The following PTPRD variants were observed in gnomAD, a reference collection of about 807,000 sequenced individuals.
The protein encoded by PTPRD is protein tyrosine phosphatase receptor type D.
In PTPRD, 34 loss-of-function variants were observed where a neutral mutation model predicts 214.5. The observed-to-expected ratio is 0.16, with a 90% CI of 0.12 to 0.21. The LOEUF is 0.21. PTPRD is among the 10% of genes least tolerant of loss of function. PTPRD has a pLI of 1.00. For missense variants in PTPRD, 2,545 were observed against 2,398.7 expected (o/e 1.06, Z -1.27); for synonymous variants, 1,128 against 845.7 (o/e 1.33, Z -5.79).
At chr9:9,994,986 A>C (rs574919868) in intron 4 of PTPRD, among the ~76,000 whole-genome samples, 1 of 152,108 alleles carries the variant, frequency 6.6e-6, no homozygotes, top group Non-Finnish European at 1.5e-5. Flanking sequence ...TTAAAAGCTT[A>C]AAAACAGGTA....
At chr9:8,753,342 A>G (rs2093698087) in intron 11 of PTPRD, among the ~76,000 whole-genome samples, 1 of 152,222 alleles carries the variant, frequency 6.6e-6, no homozygotes, top group African/African-American at 2.4e-5. Context: ...AAGTACACTG[A>G]CAGGTAGTAG....
At chr9:10,403,227 A>AATATATATATATATATATAC (rs2098302022) in intron 2 of PTPRD, among the ~76,000 whole-genome samples, 1 of 59,882 alleles carries the variant, frequency 1.7e-5, no homozygotes, top group Non-Finnish European at 3.5e-5. Flanking sequence ...TGTGTGTGTA[A>AATATATATATATATATATAC]ATATATATAT....
At chr9:9,934,921 T>C (rs11506308) in intron 5 of PTPRD, among the ~76,000 whole-genome samples, 5,886 of 152,244 alleles carry the variant, frequency 0.039, 138 homozygotes, top group Non-Finnish European at 0.056. Flanking sequence ...GCTGGTTCAA[T>C]ATATGCAAAT....
At chr9:9,291,111 A>G (rs1314030939) in intron 9 of PTPRD, among the ~76,000 whole-genome samples, 1 of 151,484 alleles carries the variant, frequency 6.6e-6, no homozygotes, top group Non-Finnish European at 1.5e-5. Flanking sequence ...GTAACATTAA[A>G]AGATGATATA....
chr9:9,841,081 T>C (rs1307210328), intron 5 of PTPRD, among the ~76,000 whole-genome samples: 2 of 152,144 alleles, frequency 1.3e-5, no homozygotes, highest in Non-Finnish European at 2.9e-5. Context: ...CAACAAAGTG[T>C]TTTTGTCTAT....
chr9:10,124,921 G>A (rs1488691247), intron 3 of PTPRD, among the ~76,000 whole-genome samples: 2 of 152,154 alleles, frequency 1.3e-5, no homozygotes, highest in Non-Finnish European at 2.9e-5. Context: ...TCAAAAGAGC[G>A]CACTAGTCTC....
Position 8,524,932 on chromosome 9 carries a change from A to G in PTPRD, c.672T>C (p.Tyr224=), listed in dbSNP as rs994655251. 2.5e-6 allele frequency: 4 copies of G among 1,613,332 alleles called. No homozygotes were observed. Among genetic ancestry groups the G allele is most frequent in the Admixed American group, 1.7e-5 (1 of 59,950 alleles). ...GTRYSAPANL[Y]VRELREVRRV... ...GGGTTATGTCATTCCTACCTCTGAC[A>G]TATAAATTGGCAGGAGCGGAATAGC... Residue 224 remains tyrosine, a synonymous_variant, in exon 18 of 46, where the codon TAT becomes TAC. Transcript: ENST00000381196.
intron 2 of PTPRD, among the ~76,000 whole-genome samples, chr9:10,526,053 G>C (rs969964531): frequency 2.0e-5 from 3 of 152,056 alleles, no homozygotes. Context: ...ATCTGACCTA[G>C]TGGGTGTTGT....
chr9:10,496,669 C>A (rs186355171), intron 2 of PTPRD, among the ~76,000 whole-genome samples: 49 of 152,034 alleles, frequency 3.2e-4, no homozygotes, highest in African/African-American at 1.2e-3. Context: ...AAGATAGTAA[C>A]TCATTGTGGT....
intron 7 of PTPRD, among the ~76,000 whole-genome samples, chr9:9,714,663 G>C (rs1021099385): frequency 6.6e-6 from 1 of 152,152 alleles, no homozygotes; most frequent in South Asian, 2.1e-4. Context: ...ACAATGAAAA[G>C]AGAAAATACA....
intron 3 of PTPRD, among the ~76,000 whole-genome samples, chr9:10,170,632 A>G (rs56024158): frequency 6.6e-6 from 1 of 152,168 alleles, no homozygotes; most frequent in African/African-American, 2.4e-5. Flanking sequence ...GCTTGCAGTG[A>G]GTCGAGATCG....
intron 9 of PTPRD, among the ~76,000 whole-genome samples, chr9:9,261,255 C>T (rs1432055636): frequency 6.6e-6 from 1 of 151,768 alleles, no homozygotes. Context: ...ATCCATCTTC[C>T]TGATGTTTAT....
intron 5 of PTPRD, among the ~76,000 whole-genome samples, chr9:9,821,973 T>A (rs1472837378): frequency 3.3e-5 from 5 of 150,444 alleles, no homozygotes; most frequent in Non-Finnish European, 7.4e-5. Flanking sequence ...TAGGATAAGA[T>A]AATTCAAATC....
At chr9:9,071,960 A>T (rs1383357349) in intron 10 of PTPRD, among the ~76,000 whole-genome samples, 1 of 152,168 alleles carries the variant, frequency 6.6e-6, no homozygotes, top group Non-Finnish European at 1.5e-5. Context: ...GCTGTTTTGC[A>T]GTCTTGCTTC....
At chr9:8,329,907 T>A (rs2131457303) in intron 44 of PTPRD, among the ~76,000 whole-genome samples, 1 of 149,522 alleles carries the variant, frequency 6.7e-6, no homozygotes, top group East Asian at 2.0e-4. Context: ...ACAGCTGTAC[T>A]CGCAGTGAGA....
chr9:9,286,598 C>T lies in PTPRD; in HGVS notation c.-202-103235G>A, dbSNP rs138375300. Among the ~76,000 whole-genome samples, 447 of 151,436 alleles carry T rather than the reference C, an allele frequency of 3.0e-3. 2 individuals carry two copies. Among genetic ancestry groups the T allele is most frequent in the African/African-American group, 1.0e-2 (412 of 41,404 alleles). ...AATTCTTACCCATTTCTTGATATCA[C>T]TCAAATAAAACATGCTCTATAGAAC... On this transcript the variant is annotated intron_variant, in intron 9 of 45. Coordinates refer to ENST00000381196, the MANE Select transcript of PTPRD (RefSeq NM_002839.4).
At chr9:10,557,721 C>T (rs1185767808) in intron 2 of PTPRD, among the ~76,000 whole-genome samples, 1 of 152,172 alleles carries the variant, frequency 6.6e-6, no homozygotes. Flanking sequence ...TATGGAATTA[C>T]CTTAGAAAAA....
intron 9 of PTPRD, among the ~76,000 whole-genome samples, chr9:9,334,235 T>C (rs559569138): frequency 1.1e-4 from 16 of 152,138 alleles, no homozygotes; most frequent in African/African-American, 3.9e-4. Context: ...CAGTTGTTGC[T>C]GTACTTCAGG....
intron 11 of PTPRD, among the ~76,000 whole-genome samples, chr9:8,795,410 C>T (rs896395918): frequency 2.0e-5 from 3 of 152,084 alleles, no homozygotes; most frequent in South Asian, 2.1e-4. Context: ...TCAGGCAATT[C>T]GCCCACCTCA....
Sources: allele counts gnomAD v4.1 joint callset (sites outside exome capture counted in the v4.1 genomes callset), GRCh38; gene constraint gnomAD v4.1.1; transcripts MANE v1.5; gene names NCBI Gene and HGNC (gene_info 2026-07-23, HGNC 2026-07-21).